The following NRG3 variants were observed in gnomAD, a reference collection of about 807,000 sequenced individuals.
NRG3 encodes the protein pro-neuregulin-3, membrane-bound isoform.
Under a neutral mutation model 66.9 loss-of-function variants are expected in NRG3, and 31 were observed. That is an observed-to-expected ratio of 0.46 (90% CI 0.35 to 0.63). NRG3 has a LOEUF of 0.63. Among genes scored for constraint, NRG3 ranks in the 20% least tolerant of loss-of-function variants. The probability of loss-of-function intolerance (pLI) is 0.00; values close to 1 mark genes in which losing one functional copy is unlikely to be tolerated. For synonymous variants in NRG3, 393 were observed against 359.4 expected (o/e 1.09, Z -1.06); for missense variants, 910 against 878.9 (o/e 1.04, Z -0.45).
At chr10:82,901,409 G>A (rs1367580688) in intron 4 of NRG3, among the ~76,000 whole-genome samples, 1 of 152,074 alleles carries the variant, frequency 6.6e-6, no homozygotes. Flanking sequence ...TGGAAAAATG[G>A]TGAGAATATG....
intron 2 of NRG3, among the ~76,000 whole-genome samples, chr10:82,477,163 G>A (rs1280017206): frequency 6.6e-6 from 1 of 152,070 alleles, no homozygotes; most frequent in Non-Finnish European, 1.5e-5. Flanking sequence ...AGGACTGATG[G>A]CAAAGATCCC....
At chr10:82,228,082 C>A (rs914329201) in intron 1 of NRG3, among the ~76,000 whole-genome samples, 3 of 152,148 alleles carry the variant, frequency 2.0e-5, no homozygotes, top group Non-Finnish European at 2.9e-5. Context: ...ACAGGGCCTT[C>A]CTCACATAAC....
At chr10:82,036,749 C>G (rs1305867157) in intron 1 of NRG3, among the ~76,000 whole-genome samples, 1 of 152,046 alleles carries the variant, frequency 6.6e-6, no homozygotes, top group Admixed American at 6.6e-5. Context: ...TGAATAGAAA[C>G]TCTCCATAGG....
At chr10:82,668,441 C>T (rs2052978325) in intron 2 of NRG3, among the ~76,000 whole-genome samples, 1 of 152,260 alleles carries the variant, frequency 6.6e-6, no homozygotes, top group Non-Finnish European at 1.5e-5. Context: ...TGGCCTTCCC[C>T]TTGATGAGTC....
chr10:82,301,928 G>C (rs568210986), intron 1 of NRG3, among the ~76,000 whole-genome samples: 86 of 151,712 alleles, frequency 5.7e-4, no homozygotes, highest in Admixed American at 1.0e-3. Flanking sequence ...GCTTGGTTCT[G>C]TTTAACAATC....
intron 2 of NRG3, among the ~76,000 whole-genome samples, chr10:82,494,897 C>T (rs1258858034): frequency 1.3e-5 from 2 of 151,842 alleles, no homozygotes; most frequent in African/African-American, 4.8e-5. Context: ...CTATTATATG[C>T]ATATCAGACA....
At chr10:82,292,468 G>A (rs2079804551) in intron 1 of NRG3, among the ~76,000 whole-genome samples, 1 of 152,050 alleles carries the variant, frequency 6.6e-6, no homozygotes, top group Non-Finnish European at 1.5e-5. Flanking sequence ...ATATGACACA[G>A]TACTTGCACT....
intron 2 of NRG3, among the ~76,000 whole-genome samples, chr10:82,383,184 A>G (rs905449410): frequency 1.3e-5 from 2 of 151,932 alleles, no homozygotes; most frequent in Admixed American, 6.6e-5. Flanking sequence ...TAATTTTTTG[A>G]CAGCTTCCCA....
chr10:82,070,691 A>G (rs1260827771), intron 1 of NRG3, among the ~76,000 whole-genome samples: 1 of 152,210 alleles, frequency 6.6e-6, no homozygotes, highest in Non-Finnish European at 1.5e-5. Context: ...AACAAAGGAT[A>G]TGACTAGGCA....
intron 2 of NRG3, among the ~76,000 whole-genome samples, chr10:82,704,553 G>A (rs1014570825): frequency 2.0e-4 from 30 of 152,010 alleles, no homozygotes; most frequent in African/African-American, 4.6e-4. Flanking sequence ...AGTTTGGCTC[G>A]TCTTATTATT....
intron 2 of NRG3, among the ~76,000 whole-genome samples, chr10:82,433,213 C>T (rs2089935957): frequency 6.6e-6 from 1 of 152,088 alleles, no homozygotes. Flanking sequence ...CCCTGATGAT[C>T]AGTGATATTG....
intron 2 of NRG3, among the ~76,000 whole-genome samples, chr10:82,652,003 G>GT (rs564450952): frequency 5.9e-4 from 90 of 152,280 alleles, no homozygotes; most frequent in African/African-American, 2.1e-3. Context: ...AGTGAGTGAG[G>GT]CAGGAACTGG....
intron 2 of NRG3, among the ~76,000 whole-genome samples, chr10:82,590,054 A>C (rs1216602976): frequency 6.6e-6 from 1 of 152,176 alleles, no homozygotes; most frequent in African/African-American, 2.4e-5. Context: ...GTTGTTTTTC[A>C]ATACTTTAAT....
intron 2 of NRG3, among the ~76,000 whole-genome samples, chr10:82,582,461 A>G (rs969035108): frequency 2.6e-5 from 4 of 152,152 alleles, no homozygotes; most frequent in Non-Finnish European, 5.9e-5. Flanking sequence ...CCCTTCTTGC[A>G]CTATTCTTTA....
At chr10:82,366,535 C>T (rs2084535108) in intron 2 of NRG3, among the ~76,000 whole-genome samples, 1 of 152,076 alleles carries the variant, frequency 6.6e-6, no homozygotes, top group South Asian at 2.1e-4. Context: ...CTTTTCTTAA[C>T]GACTCTTCAT....
chr10:82,528,114 C>T (rs1459486266), intron 2 of NRG3, among the ~76,000 whole-genome samples: 1 of 152,098 alleles, frequency 6.6e-6, no homozygotes, highest in Non-Finnish European at 1.5e-5. Flanking sequence ...GGGGACAAAA[C>T]AGCACTGGGC....
intron 1 of NRG3, among the ~76,000 whole-genome samples, chr10:82,190,549 G>A (rs1159609204): frequency 6.6e-6 from 1 of 152,122 alleles, no homozygotes; most frequent in Non-Finnish European, 1.5e-5. Flanking sequence ...TATCTGAACA[G>A]CATTTACTCA....
intron 2 of NRG3, among the ~76,000 whole-genome samples, chr10:82,522,769 CT>C (rs1846323583): frequency 6.6e-6 from 1 of 151,206 alleles, no homozygotes; most frequent in Non-Finnish European, 1.5e-5. Context: ...TTTCTAATAG[CT>C]TTATTGAGAT....
Position 82,765,527 on chromosome 10 carries a change from T to G in NRG3, c.1027+26877T>G, listed in dbSNP as rs535312625. Among the ~76,000 whole-genome samples the G allele has an allele frequency of 3.3e-5, 5 of 152,230 alleles. No individual in the cohort carries two copies. In the South Asian group the frequency reaches 1.0e-3, roughly 32 times the overall value. On this transcript the variant is annotated intron_variant, in intron 3 of 8. Transcript: ENST00000372141. ...GATGCTAATTACTCAGAAATTGAAATTTATCACCATTCATTAAATTAACAC... is the reference window on the plus strand; with the variant it reads ...GATGCTAATTACTCAGAAATTGAAAGTTATCACCATTCATTAAATTAACAC...
Sources: allele counts gnomAD v4.1 joint callset (sites outside exome capture counted in the v4.1 genomes callset), GRCh38; gene constraint gnomAD v4.1.1; transcripts MANE v1.5; gene names NCBI Gene and HGNC (gene_info 2026-07-23, HGNC 2026-07-21).